The following MFSD12 variants were observed in gnomAD, a reference collection of about 807,000 sequenced individuals.
MFSD12 encodes the protein major facilitator superfamily domain containing 12, also known as major facilitator superfamily domain-containing protein 12.
Under a neutral mutation model 51.2 loss-of-function variants are expected in MFSD12, and 67 were observed. That is an observed-to-expected ratio of 1.31 (90% CI 1.08 to 1.60). MFSD12 has a LOEUF of 1.60. Ranked by LOEUF, MFSD12 falls within the 40% of genes most tolerant of loss-of-function variation. The pLI, the probability that MFSD12 is intolerant of heterozygous loss-of-function variation, is 0.00. For missense variants in MFSD12, 921 were observed against 673.0 expected, an observed-to-expected ratio of 1.37 and a Z score of -4.08; for synonymous variants, 441 against 316.7, an observed-to-expected ratio of 1.39 and a Z score of -4.17.
At position 3,557,290 on chromosome 19, in the gene MFSD12, C is replaced by T. The variant is rs1201536126; in HGVS notation, c.114G>A (p.Met38Ile). ...GGTAGAGCAGCAGGTAGGTGAACCA[C>T]ATGGACGCGCACAGGTCGTTGAGGA... ...GHFLNDLCASMWFTYLLLYLH... is the reference protein window; with the variant it reads ...GHFLNDLCASIWFTYLLLYLH... Residue 38 changes from methionine (M) to isoleucine (I), a missense_variant, in exon 1 of 10, where the codon ATG becomes ATA. Coordinates refer to ENST00000355415, the MANE Select transcript of MFSD12 (RefSeq NM_174983.5). The T allele has an allele frequency of 6.3e-7, 1 of 1,596,754 alleles. No homozygotes were observed. Among genetic ancestry groups the T allele is most frequent in the South Asian group, 1.1e-5 (1 of 88,330 alleles).
downstream of MFSD12, chr19:3,543,486 C>T: frequency 1.3e-6 from 2 of 1,518,324 alleles, no homozygotes; most frequent in Non-Finnish European, 1.8e-6. Flanking sequence ...GAGTGCCCCC[C>T]CCCCCGCCCT....
At chr19:3,555,083 T>C (rs1215731310) in intron 1 of MFSD12, among the ~76,000 whole-genome samples, 2 of 152,198 alleles carry the variant, frequency 1.3e-5, no homozygotes, top group Non-Finnish European at 2.9e-5. Context: ...CTTCGGTTGC[T>C]GTTTCTGTTT....
chr19:3,539,506 A>AT, downstream of MFSD12: 1 of 513,486 alleles, frequency 1.9e-6, no homozygotes, highest in Non-Finnish European at 3.5e-6. Context: ...AAGGACTGCA[A>AT]ACGCACTGGG....
intron 8 of MFSD12, 88 bp from the exon 9 acceptor site, chr19:3,545,027 C>A: frequency 6.7e-7 from 1 of 1,485,422 alleles, no homozygotes. Flanking sequence ...TCACCCCCGA[C>A]AGCGGCTCCG....
At chr19:3,553,784 G>A (rs1166643350) in intron 1 of MFSD12, among the ~76,000 whole-genome samples, 1 of 138,974 alleles carries the variant, frequency 7.2e-6, no homozygotes, top group African/African-American at 2.7e-5. Flanking sequence ...GAGAAAGAAA[G>A]GAAAAGAAAA....
At chr19:3,539,890 T>C (rs992499166), downstream of MFSD12, 1 of 152,248 alleles carries the variant, frequency 6.6e-6, no homozygotes, top group South Asian at 2.1e-4. Flanking sequence ...TAAACAATTA[T>C]GGAATACTAT....
rs1352734942 is a variant in MFSD12 at position 3,546,423 on chromosome 19, C to T, written c.1026G>A (p.Met342Ile). The T allele has an allele frequency of 1.2e-6, 2 of 1,603,898 alleles. No individual in the cohort carries two copies. The highest frequency in any genetic ancestry group is 1.3e-5 in the African/African-American group (1 of 74,822). ...KPINKCIGRN[M>I]TYFSGLLVIL... is the part of the protein sequence containing the mutation. ...TCACCAGGAGGCCTGAGAAGTAGGT[C>T]ATCTGCAGGGACAGCCCCGGGGTCA... is the stretch of plus-strand genomic sequence containing the variant. Residue 342 changes from methionine to isoleucine, a missense_variant and splice_region_variant, in exon 7 of 10, where the codon ATG becomes ATA. Physicochemically the swap from Met to Ile is conservative, Grantham distance 10. Coordinates refer to ENST00000355415, the MANE Select transcript of MFSD12 (RefSeq NM_174983.5).
At position 3,544,384 on chromosome 19, in the gene MFSD12, A is replaced by G; in HGVS notation, c.*326T>C. 1 of 1,288,592 alleles carries G rather than the reference A, an allele frequency of 7.8e-7. No individual in the cohort carries two copies. The highest frequency in any genetic ancestry group is 9.8e-7 in the Non-Finnish European group (1 of 1,017,874). 79.8% of individuals were successfully genotyped at this position (1,288,592 alleles called of 1,614,324 possible). On this transcript the variant is annotated 3_prime_UTR_variant, in exon 10 of 10. Transcript: ENST00000355415. ...AGGCTGGAGGTGAGGGGTGAACTGGACTGAGCTCAGGGTTAGGGTTCCCCC... is the reference window on the plus strand; with the variant it reads ...AGGCTGGAGGTGAGGGGTGAACTGGGCTGAGCTCAGGGTTAGGGTTCCCCC...
intron 4 of MFSD12, 135 bp downstream of exon 4, chr19:3,547,713 A>T (rs1457920269): frequency 8.3e-7 from 1 of 1,198,406 alleles, no homozygotes; most frequent in Non-Finnish European, 1.1e-6. Context: ...GCACTTGATG[A>T]GTGACGTTTG....
intron 1 of MFSD12, among the ~76,000 whole-genome samples, chr19:3,554,294 G>A (rs974353044): frequency 3.3e-5 from 5 of 151,198 alleles, no homozygotes; most frequent in East Asian, 3.9e-4. Flanking sequence ...AAAATTAGCC[G>A]GCTTTGGTGG....
chr19:3,540,472 G>A (rs910970419), downstream of MFSD12, among the ~76,000 whole-genome samples: 1 of 150,984 alleles, frequency 6.6e-6, no homozygotes, highest in African/African-American at 2.4e-5. Flanking sequence ...TGGCCAGGAT[G>A]GTCTCGATCT....
downstream of MFSD12, chr19:3,542,036 C>T (rs2030459298): frequency 1.5e-6 from 1 of 671,208 alleles, no homozygotes; most frequent in Non-Finnish European, 1.8e-6. Flanking sequence ...TCTCGAACTC[C>T]TGACCTCAGG....
In MFSD12 at chr19:3,547,932, G is replaced by A. The variant is rs377016512; in HGVS notation, c.753C>T (p.Gly251=). The change falls in exon 4 of 10, where the codon GGC becomes GGT. Residue 251 remains glycine, a synonymous_variant. Coordinates refer to ENST00000355415, the MANE Select transcript of MFSD12 (RefSeq NM_174983.5). ...ERRRPHAEEP[G]EHTPLLAPAT... Reference sequence around the variant, plus strand: ...CAGGGGCCAACAGGGGGGTGTGCTCGCCTGGCTCCTCCGCATGCGGCCGGC... The same window carrying A: ...CAGGGGCCAACAGGGGGGTGTGCTCACCTGGCTCCTCCGCATGCGGCCGGC... 23 of 1,591,540 alleles carry A rather than the reference G, an allele frequency of 1.4e-5. No individual in the cohort carries two copies. Among genetic ancestry groups the A allele is most frequent in the African/African-American group, 9.5e-5 (7 of 73,914 alleles).
intron 1 of MFSD12, among the ~76,000 whole-genome samples, chr19:3,555,280 T>C (rs2031675726): frequency 6.6e-6 from 1 of 152,174 alleles, no homozygotes; most frequent in Non-Finnish European, 1.5e-5. Context: ...GGCTAATTTT[T>C]GTACTTTAGT....
At chr19:3,541,168 C>A (rs77367717), downstream of MFSD12, among the ~76,000 whole-genome samples, 1,420 of 86,780 alleles carry the variant, frequency 0.016, no homozygotes, top group Middle Eastern at 0.024. Flanking sequence ...GACTCTGTCT[C>A]AAAAAAAAAA....
chr19:3,556,436 G>A (rs929015881), intron 1 of MFSD12, among the ~76,000 whole-genome samples: 1 of 152,228 alleles, frequency 6.6e-6, no homozygotes, highest in African/African-American at 2.4e-5. Flanking sequence ...AGACAGGGGA[G>A]GCTGGACCAA....
At chr19:3,542,496 CAG>C (rs2030498410), downstream of MFSD12, 12 of 978,846 alleles carry the variant, frequency 1.2e-5, no homozygotes, top group South Asian at 3.8e-4. Flanking sequence ...GTTTTTGAGA[CAG>C]AGTCTCACTC....
downstream of MFSD12, chr19:3,540,084 CTTTTCTTTTTTTTT>C (rs2030237138): frequency 7.6e-6 from 1 of 132,100 alleles, no homozygotes; most frequent in South Asian, 2.4e-4. Flanking sequence ...AGACCCATCT[CTTTTCTTTTTTTTT>C]TTTTTTTTTT....
exon 5 of MFSD12, chr19:3,538,659 G>A (rs1484298973): frequency 7.2e-5 from 24 of 332,492 alleles, no homozygotes; most frequent in South Asian, 3.6e-4. Flanking sequence ...CGGTGGCGGC[G>A]CCGTGCTGAT....
Sources: allele counts gnomAD v4.1 joint callset (sites outside exome capture counted in the v4.1 genomes callset), GRCh38; gene constraint gnomAD v4.1.1; transcripts MANE v1.5; gene names NCBI Gene and HGNC (gene_info 2026-07-23, HGNC 2026-07-21).